VRK2: variants seen among roughly 807,000 people sequenced by gnomAD.
VRK2 encodes serine/threonine-protein kinase VRK2.
Under a neutral mutation model 57.6 loss-of-function variants are expected in VRK2, and 60 were observed. The observed-to-expected ratio is 1.04, with a 90% CI of 0.85 to 1.29. The LOEUF is 1.29. Ranked by LOEUF, VRK2 falls within the 50% of genes most tolerant of loss-of-function variation. The probability of loss-of-function intolerance (pLI) is 0.00; values close to 1 mark genes in which losing one functional copy is unlikely to be tolerated. For missense variants in VRK2, 705 were observed against 588.1 expected, an observed-to-expected ratio of 1.20 and a Z score of -2.06; for synonymous variants, 231 against 199.2, an observed-to-expected ratio of 1.16 and a Z score of -1.35.
At chr2:57,993,267 T>A (rs367834886) in intron 1 of VRK2, among the ~76,000 whole-genome samples, 1 of 152,162 alleles carries the variant, frequency 6.6e-6, no homozygotes, top group South Asian at 2.1e-4. Context: ...TGTAACACAA[T>A]CTTATTTAGC....
chr2:57,936,460 T>C (rs191720938), intron 1 of VRK2, among the ~76,000 whole-genome samples: 117 of 152,192 alleles, frequency 7.7e-4, no homozygotes, highest in Non-Finnish European at 1.4e-3. Context: ...TCCACATTAG[T>C]GATGCAAAAT....
In VRK2 at chr2:58,127,250, A is replaced by T. The variant is rs961160291; in HGVS notation, c.676+4017A>T. ...TCTAGCACTCCAACTTACAAAATAT[A>T]TGTGAAATAAACTGAGAATGTATTT... is the stretch of plus-strand genomic sequence containing the variant. On this transcript the variant is annotated intron_variant, in intron 8 of 12. Transcript: ENST00000340157. 5.9e-5 allele frequency among the ~76,000 whole-genome samples: 9 copies of T among 152,260 alleles called. No individual in the cohort carries two copies. The East Asian group carries it at 1.3e-3, about 23-fold the overall frequency.
At chr2:58,136,466 C>A (rs551367646) in intron 10 of VRK2, among the ~76,000 whole-genome samples, 1 of 151,320 alleles carries the variant, frequency 6.6e-6, no homozygotes, top group East Asian at 2.0e-4. Flanking sequence ...CTCAGTGCAA[C>A]CTCCCCTTCC....
intron 3 of VRK2, among the ~76,000 whole-genome samples, chr2:58,036,743 C>A (rs532561990): frequency 6.6e-6 from 1 of 152,006 alleles, no homozygotes; most frequent in South Asian, 2.1e-4. Context: ...TAGTTAGTGT[C>A]AGCCTCCTGC....
Position 58,137,101 on chromosome 2 carries a change from A to G in VRK2, c.856+1902A>G, listed in dbSNP as rs1479664243. Among the ~76,000 whole-genome samples the G allele has an allele frequency of 4.1e-5, 5 of 120,896 alleles. No individual in the cohort carries two copies. In the East Asian group the frequency reaches 1.2e-3, roughly 29 times the overall value. The allele number at this position is 120,896 out of a possible 152,430, so 79.3% of individuals were successfully genotyped here. Reference sequence around the variant, plus strand: ...TAACATATATATGTGTATATATCATATATATAACATATATCATATATGTGT... The same window carrying G: ...TAACATATATATGTGTATATATCATGTATATAACATATATCATATATGTGT... On this transcript the variant is annotated intron_variant, in intron 10 of 12. Coordinates refer to ENST00000340157, the MANE Select transcript of VRK2 (RefSeq NM_006296.7).
chr2:58,157,500 G>A (rs149253962), intron 12 of VRK2, among the ~76,000 whole-genome samples: 1 of 152,162 alleles, frequency 6.6e-6, no homozygotes, highest in East Asian at 1.9e-4. Flanking sequence ...GTCCTCTGTG[G>A]GGCAGGATCA....
chr2:57,961,376 TTG>T (rs1671753107), intron 1 of VRK2, among the ~76,000 whole-genome samples: 1 of 151,992 alleles, frequency 6.6e-6, no homozygotes, highest in Non-Finnish European at 1.5e-5. Context: ...CAAGAGAACT[TTG>T]TGATTGAAAA....
chr2:58,048,471 T>A lies in VRK2; in HGVS notation c.-5-356T>A. Reference sequence around the variant, plus strand: ...TCTCAGTGACAGCAATATTTCCATGTACATGAAATTTATTTTCTTTCTTCA... The same window carrying A: ...TCTCAGTGACAGCAATATTTCCATGAACATGAAATTTATTTTCTTTCTTCA... On this transcript the variant is annotated intron_variant, in intron 1 of 12. Coordinates refer to ENST00000340157, the MANE Select transcript of VRK2 (RefSeq NM_006296.7). 3 of 986,136 alleles carry A rather than the reference T, an allele frequency of 3.0e-6. No homozygotes were observed. The Middle Eastern group carries it at 8.0e-4, about 262-fold the overall frequency. The allele number at this position is 986,136 out of a possible 1,614,324, so 61.1% of individuals were successfully genotyped here. A position where few individuals can be genotyped will look rare whatever the true frequency, so the allele number is the denominator to read the frequency against.
chr2:58,117,987 C>T (rs189431067), intron 7 of VRK2, among the ~76,000 whole-genome samples: 101 of 151,802 alleles, frequency 6.7e-4, no homozygotes, highest in Non-Finnish European at 1.0e-3. Flanking sequence ...AATTGGGGCA[C>T]AGAGATAAGA....
chr2:57,911,057 A>G (rs75575209), intron 1 of VRK2, among the ~76,000 whole-genome samples: 1 of 150,056 alleles, frequency 6.7e-6, no homozygotes, highest in African/African-American at 2.5e-5. Context: ...TTTTTTAAAC[A>G]TTTCTCAACG....
At chr2:58,015,963 C>G (rs1339207108) in intron 1 of VRK2, among the ~76,000 whole-genome samples, 2 of 150,914 alleles carry the variant, frequency 1.3e-5, no homozygotes, top group African/African-American at 4.9e-5. Context: ...TTTTTGTAAT[C>G]AAGTGAAGAC....
intron 7 of VRK2, among the ~76,000 whole-genome samples, chr2:58,102,107 TATAGCC>T (rs1392069283): frequency 6.6e-6 from 1 of 151,568 alleles, no homozygotes; most frequent in Non-Finnish European, 1.5e-5. Flanking sequence ...TACTATTTAA[TATAGCC>T]ATTATGATTA....
At position 58,131,862 on chromosome 2, in the gene VRK2, T is replaced by C; in HGVS notation, c.731T>C (p.Leu244Ser). 2 of 1,614,124 alleles carry C rather than the reference T, an allele frequency of 1.2e-6. No homozygotes were observed. The highest frequency in any genetic ancestry group is 1.7e-6 in the Non-Finnish European group (2 of 1,180,008). The change falls in exon 9 of 13, where the codon TTG becomes TCG. Residue 244 changes from leucine to serine, a missense_variant. Transcript: ENST00000340157. ...CTCGGCTACTGCATGCTGCGGTGGT[T>C]GTGTGGGAAACTTCCCTGGGAACAG... ...EILGYCMLRW[L>S]CGKLPWEQNL...
upstream of VRK2, among the ~76,000 whole-genome samples, chr2:58,042,127 AGATACTTTTTGGTTT>A: frequency 6.6e-6 from 1 of 152,308 alleles, no homozygotes; most frequent in East Asian, 1.9e-4. Context: ...GACTTATCTC[AGATACTTTTTGGTTT>A]ACATGACATA....
intron 2 of VRK2, among the ~76,000 whole-genome samples, chr2:58,057,932 G>C (rs775441144): frequency 5.3e-5 from 8 of 152,040 alleles, no homozygotes; most frequent in Non-Finnish European, 8.8e-5. Flanking sequence ...TTGACACACA[G>C]AGAGGCAAAA....
intron 7 of VRK2, among the ~76,000 whole-genome samples, chr2:58,090,545 A>C (rs901720266): frequency 1.2e-4 from 18 of 152,188 alleles, no homozygotes; most frequent in Admixed American, 1.1e-3. Flanking sequence ...TACAGTACCA[A>C]CTGCTGATGA....
rs376006932 is a variant in VRK2 at position 58,159,746 on chromosome 2, G to A, written c.*53G>A. The A allele has an allele frequency of 2.6e-5, 42 of 1,612,640 alleles. No individual in the cohort carries two copies. The highest frequency in any genetic ancestry group is 1.6e-4 in the Middle Eastern group (1 of 6,078). On this transcript the variant is annotated 3_prime_UTR_variant, in exon 13 of 13. Transcript: ENST00000340157. ...TTTTTTAAGTTTCCAGCTCTTCACC[G>A]AAATGTTGTATTCTTATTTCAGTGT... is the stretch of plus-strand genomic sequence containing the variant.
chr2:58,119,314 A>C (rs1478394136), intron 7 of VRK2, among the ~76,000 whole-genome samples: 2 of 151,060 alleles, frequency 1.3e-5, no homozygotes, highest in Non-Finnish European at 2.9e-5. Flanking sequence ...CCTGGCTAAC[A>C]TGGTGAAACC....
intron 1 of VRK2, among the ~76,000 whole-genome samples, chr2:57,987,814 GA>G (rs1672645205): frequency 6.6e-6 from 1 of 151,968 alleles, no homozygotes; most frequent in African/African-American, 2.4e-5. Context: ...ACTGCTCAAT[GA>G]AAAAAGAAAA....
Sources: allele counts gnomAD v4.1 joint callset (sites outside exome capture counted in the v4.1 genomes callset), GRCh38; gene constraint gnomAD v4.1.1; transcripts MANE v1.5; gene names NCBI Gene and HGNC (gene_info 2026-07-23, HGNC 2026-07-21).